Variants in N4BP1 observed in about 807,000 individuals in gnomAD.
N4BP1 encodes NEDD4 binding protein 1, also known as NEDD4-binding protein 1.
N4BP1 carries 21 observed loss-of-function variants against 70.9 expected under a neutral mutation model. The observed-to-expected ratio is 0.30, with a 90% CI of 0.21 to 0.43. N4BP1 has a LOEUF of 0.43. Among genes scored for constraint, N4BP1 ranks in the 20% least tolerant of loss-of-function variants. N4BP1 has a pLI of 1.00. For missense variants in N4BP1, 936 were observed against 1,069.4 expected (o/e 0.88, Z 1.74); for synonymous variants, 387 against 394.6 (o/e 0.98, Z 0.23).
chr16:48,586,180 T>C (rs1248052527), intron 1 of N4BP1, among the ~76,000 whole-genome samples: 1 of 152,230 alleles, frequency 6.6e-6, no homozygotes, highest in African/African-American at 2.4e-5. Context: ...GAGATGGGTC[T>C]ATGTTGTCCA....
intron 1 of N4BP1, among the ~76,000 whole-genome samples, chr16:48,577,067 C>T (rs1295697271): frequency 6.6e-6 from 1 of 152,198 alleles, no homozygotes; most frequent in Non-Finnish European, 1.5e-5. Context: ...CCTGGCTTCA[C>T]ACTTTTTGAA....
intron 2 of N4BP1, among the ~76,000 whole-genome samples, chr16:48,555,158 T>C (rs146622952): frequency 1.7e-3 from 266 of 152,356 alleles, no homozygotes; most frequent in African/African-American, 6.0e-3. Flanking sequence ...AAGTTATTTC[T>C]AGACACAGGG....
At chr16:48,602,549 A>G (rs915362573) in intron 1 of N4BP1, among the ~76,000 whole-genome samples, 3 of 152,148 alleles carry the variant, frequency 2.0e-5, no homozygotes, top group African/African-American at 4.8e-5. Flanking sequence ...AATGTCAGCC[A>G]TAAGAAGAGA....
chr16:48,550,626 G>A (rs573834430), intron 4 of N4BP1, among the ~76,000 whole-genome samples: 189 of 151,606 alleles, frequency 1.2e-3, no homozygotes, highest in Middle Eastern at 3.5e-3. Context: ...CTTATAGGCC[G>A]GGTGTGGTGG....
intron 1 of N4BP1, among the ~76,000 whole-genome samples, chr16:48,597,679 A>G (rs1964436660): frequency 6.6e-6 from 1 of 151,998 alleles, no homozygotes; most frequent in South Asian, 2.1e-4. Context: ...TGATATCTAC[A>G]CTTTGGCCCA....
At chr16:48,550,508 CTA>C (rs1420843263) in intron 4 of N4BP1, among the ~76,000 whole-genome samples, 2 of 151,916 alleles carry the variant, frequency 1.3e-5, no homozygotes, top group Non-Finnish European at 2.9e-5. Context: ...CAGTGAAACT[CTA>C]TCTCAAAAAC....
rs1964660914 is a variant in N4BP1 at position 48,610,015 on chromosome 16, G to GCGA, written c.-46_-44dup. Reference sequence around the variant, plus strand: ...GCGGCGGCGCCGGGGGCCGGCGGCGGCGACGCCCCCTCAGCTTGCTGCCGC... The same window carrying GCGA: ...GCGGCGGCGCCGGGGGCCGGCGGCGGCGACGACGCCCCCTCAGCTTGCTGCCGC... On this transcript the variant is annotated 5_prime_UTR_variant, in exon 1 of 7. Coordinates refer to ENST00000262384, the MANE Select transcript of N4BP1 (RefSeq NM_153029.4). 9.3e-7 allele frequency: 1 copy of GCGA among 1,072,548 alleles called. No homozygotes were observed. The highest frequency in any genetic ancestry group is 5.6e-5 in the East Asian group (1 of 17,762). The allele number at this position is 1,072,548 out of a possible 1,614,324, so 66.4% of individuals were successfully genotyped here. A position where few individuals can be genotyped will look rare whatever the true frequency, so the allele number is the denominator to read the frequency against.
At chr16:48,581,308 C>T (rs930002685) in intron 1 of N4BP1, among the ~76,000 whole-genome samples, 2 of 151,192 alleles carry the variant, frequency 1.3e-5, no homozygotes, top group African/African-American at 4.9e-5. Flanking sequence ...AAATCTGCAA[C>T]TCATAACATA....
intron 1 of N4BP1, among the ~76,000 whole-genome samples, chr16:48,563,399 A>G (rs1320263737): frequency 1.3e-5 from 2 of 151,014 alleles, no homozygotes; most frequent in Non-Finnish European, 3.0e-5. Context: ...TAATGATTGT[A>G]TATATATATA....
intron 1 of N4BP1, among the ~76,000 whole-genome samples, chr16:48,578,773 C>T (rs1964135451): frequency 6.6e-6 from 1 of 152,200 alleles, no homozygotes; most frequent in Non-Finnish European, 1.5e-5. Context: ...ATTTCTATAA[C>T]CTAGTTTAAA....
At chr16:48,606,554 C>CTACTT (rs1964584813) in intron 1 of N4BP1, among the ~76,000 whole-genome samples, 1 of 152,220 alleles carries the variant, frequency 6.6e-6, no homozygotes, top group Non-Finnish European at 1.5e-5. Flanking sequence ...CAAAAGCCAG[C>CTACTT]TGAAGTACTG....
Position 48,609,796 on chromosome 16 carries a change from C to G in N4BP1, c.177G>C (p.Gln59His). ...ARIWLQLCGA[Q>H]EAVHSAKEYI... ...TCACCTTGGCGCTGTGCACCGCCTC[C>G]TGCGCCCCGCAGAGCTGCAGCCAGA... is the stretch of plus-strand genomic sequence containing the variant. The change falls in exon 1 of 7, where the codon CAG becomes CAC. Residue 59 changes from glutamine (Q) to histidine (H), a missense_variant. Around this residue, in one of 4 missense-constraint regions of N4BP1, gnomAD observed 187 missense variants for 217.1 expected, o/e 0.86. Transcript: ENST00000262384. 1.4e-6 allele frequency: 2 copies of G among 1,465,822 alleles called. No individual in the cohort carries two copies. Among genetic ancestry groups the G allele is most frequent in the Non-Finnish European group, 1.8e-6 (2 of 1,112,372 alleles). The allele number at this position is 1,465,822 out of a possible 1,614,324, so 90.8% of individuals were successfully genotyped here. A position where few individuals can be genotyped will look rare whatever the true frequency, so the allele number is the denominator to read the frequency against.
At chr16:48,553,995 C>T (rs1364157030) in intron 2 of N4BP1, among the ~76,000 whole-genome samples, 1 of 152,146 alleles carries the variant, frequency 6.6e-6, no homozygotes, top group African/African-American at 2.4e-5. Flanking sequence ...GTCATAACCC[C>T]TGCAACCTCC....
intron 1 of N4BP1, among the ~76,000 whole-genome samples, chr16:48,568,786 T>C (rs1051608079): frequency 1.3e-5 from 2 of 152,222 alleles, no homozygotes; most frequent in Non-Finnish European, 2.9e-5. Context: ...CCTCCACATG[T>C]GGTATGCTTT....
chr16:48,573,131 G>C (rs1371486180), intron 1 of N4BP1, among the ~76,000 whole-genome samples: 1 of 149,020 alleles, frequency 6.7e-6, no homozygotes, highest in African/African-American at 2.5e-5. Flanking sequence ...AAAGAAAAAA[G>C]AAAATTCAGG....
At chr16:48,567,817 C>A (rs1262888317) in intron 1 of N4BP1, among the ~76,000 whole-genome samples, 1 of 152,162 alleles carries the variant, frequency 6.6e-6, no homozygotes, top group Non-Finnish European at 1.5e-5. Context: ...AGAGAGGCTG[C>A]CCCTTCCAGA....
chr16:48,602,621 C>A (rs1321567160), intron 1 of N4BP1, among the ~76,000 whole-genome samples: 3 of 151,974 alleles, frequency 2.0e-5, no homozygotes, highest in African/African-American at 7.3e-5. Flanking sequence ...AAAAAATATT[C>A]TGGGAAGTGC....
chr16:48,553,402 G>T, intron 3 of N4BP1, 137 bp downstream of exon 3: 2 of 715,538 alleles, frequency 2.8e-6, no homozygotes, highest in Non-Finnish European at 2.0e-6. Flanking sequence ...TGTTTTGCTA[G>T]GTGCAGTAGA....
At chr16:48,595,297 T>C (rs939302070) in intron 1 of N4BP1, among the ~76,000 whole-genome samples, 1 of 151,784 alleles carries the variant, frequency 6.6e-6, no homozygotes, top group Non-Finnish European at 1.5e-5. Flanking sequence ...ACCCCATCTC[T>C]ACTAAAGGTT....
Sources: gnomAD v4.1 joint callset for allele counts (sites outside exome capture counted in the v4.1 genomes callset) on GRCh38, gnomAD v4.1.1 for gene constraint, gnomAD v4.1.1 regional missense constraint, MANE v1.5 for transcripts, NCBI Gene and HGNC (gene_info 2026-07-23, HGNC 2026-07-21) for gene names.